Variants in ZNF568 observed in about 807,000 individuals in gnomAD.
ZNF568 encodes zinc finger protein 568.
ZNF568 carries 11 observed loss-of-function variants against 18.1 expected under a neutral mutation model. That is an observed-to-expected ratio of 0.61 (90% CI 0.38 to 1.00). The LOEUF is 1.00. Among genes scored for constraint, ZNF568 ranks in the 50% least tolerant of loss-of-function variants. The pLI is 0.01. For missense variants in ZNF568, 639 were observed against 768.2 expected (o/e 0.83, Z 1.99); for synonymous variants, 213 against 246.6 (o/e 0.86, Z 1.28).
chr19:36,976,941 T>C (rs1020640320), intron 7 of ZNF568, among the ~76,000 whole-genome samples: 2 of 152,136 alleles, frequency 1.3e-5, no homozygotes, highest in Non-Finnish European at 2.9e-5. Context: ...GAGCTGGGGT[T>C]TCTACATCAC....
chr19:36,980,969 G>A (rs1276696242), downstream of ZNF568, among the ~76,000 whole-genome samples: 2 of 152,112 alleles, frequency 1.3e-5, no homozygotes, highest in South Asian at 2.1e-4. Context: ...GGTCTTAGGG[G>A]CTCACCATAA....
At chr19:36,928,731 A>G (rs1193601757) in intron 4 of ZNF568, among the ~76,000 whole-genome samples, 1 of 152,212 alleles carries the variant, frequency 6.6e-6, no homozygotes, top group Non-Finnish European at 1.5e-5. Flanking sequence ...AAACCACACC[A>G]TCAAAAATGA....
chr19:36,973,912 G>T (rs1041278603), intron 6 of ZNF568, among the ~76,000 whole-genome samples: 38 of 152,270 alleles, frequency 2.5e-4, no homozygotes, highest in African/African-American at 8.7e-4. Context: ...CTAGTCAGTA[G>T]GTAGTGAATC....
At chr19:36,956,237 T>C (rs2074106130), downstream of ZNF568, among the ~76,000 whole-genome samples, 2 of 152,208 alleles carry the variant, frequency 1.3e-5, no homozygotes, top group African/African-American at 4.8e-5. Flanking sequence ...TCTGAGAATC[T>C]TGGCTGCTGA....
chr19:36,942,598 C>CAAAAAAAAA (rs1157835192), intron 6 of ZNF568, among the ~76,000 whole-genome samples: 2 of 68,474 alleles, frequency 2.9e-5, no homozygotes, highest in African/African-American at 5.9e-5. Context: ...GACTCCGTCT[C>CAAAAAAAAA]AAAAAAAAAA....
intron 6 of ZNF568, among the ~76,000 whole-genome samples, chr19:36,968,619 A>G (rs547107209): frequency 2.0e-4 from 30 of 151,506 alleles, no homozygotes; most frequent in African/African-American, 5.8e-4. Context: ...GTCTGAAGTT[A>G]TCATCCCTCA....
At chr19:36,940,890 TG>T (rs1299581661) in intron 6 of ZNF568, among the ~76,000 whole-genome samples, 1 of 152,172 alleles carries the variant, frequency 6.6e-6, no homozygotes, top group Non-Finnish European at 1.5e-5. Context: ...CGTGTCTGTT[TG>T]GGGGGTAAAA....
At chr19:36,947,553 G>A (rs1352111047) in intron 6 of ZNF568, among the ~76,000 whole-genome samples, 1 of 152,180 alleles carries the variant, frequency 6.6e-6, no homozygotes, top group Non-Finnish European at 1.5e-5. Flanking sequence ...GAAAAGCATG[G>A]TGGGAGACTG....
In ZNF568 at chr19:36,916,680, A is replaced by G. The variant is rs937174943; in HGVS notation, c.-256+89A>G. On this transcript the variant is annotated intron_variant, in intron 1 of 6. Coordinates refer to ENST00000333987, the MANE Select transcript of ZNF568 (RefSeq NM_198539.4). This position sits in a 1 kb window ranked among gnomAD's most constrained non-coding sequence, Gnocchi z 5.3. Reference sequence around the variant, plus strand: ...GTGTGTGAGTGTGACGGCACGAATAATCTGATGGGGTGATTGTGATATTTG... The same window carrying G: ...GTGTGTGAGTGTGACGGCACGAATAGTCTGATGGGGTGATTGTGATATTTG... 6.5e-6 allele frequency: 1 copy of G among 152,772 alleles called. No homozygotes were observed. Among genetic ancestry groups the G allele is most frequent in the African/African-American group, 2.4e-5 (1 of 41,402 alleles). 9.5% of individuals were successfully genotyped at this position (152,772 alleles called of 1,614,324 possible).
In ZNF568 at chr19:36,950,246, A is replaced by T. The variant is rs2074035306; in HGVS notation, c.1093A>T (p.Asn365Tyr). The change falls in exon 7 of 7, where the codon AAT becomes TAT. Residue 365 changes from asparagine (N) to tyrosine (Y), a missense_variant. Asn to Tyr is a moderately radical substitution (Grantham distance 143). Coordinates refer to ENST00000333987, the MANE Select transcript of ZNF568 (RefSeq NM_198539.4). ...TACTGGGGAGAAACCTTATGCATGTAATGAATGTGGTAGAGCTTTTTCTCG... is the reference window on the plus strand; with the variant it reads ...TACTGGGGAGAAACCTTATGCATGTTATGAATGTGGTAGAGCTTTTTCTCG... ...IHTGEKPYAC[N>Y]ECGRAFSRMS... 6.2e-7 allele frequency: 1 copy of T among 1,614,012 alleles called. No homozygotes were observed. The highest frequency in any genetic ancestry group is 2.2e-5 in the East Asian group (1 of 44,856).
intron 6 of ZNF568, among the ~76,000 whole-genome samples, chr19:36,970,425 A>T (rs905260947): frequency 6.6e-6 from 1 of 151,154 alleles, no homozygotes; most frequent in Admixed American, 6.6e-5. Context: ...GGCTCACTGC[A>T]ACCTCTGCCT....
At chr19:36,924,842 G>GA (rs912695369) in intron 3 of ZNF568, among the ~76,000 whole-genome samples, 3 of 149,384 alleles carry the variant, frequency 2.0e-5, no homozygotes, top group South Asian at 2.1e-4. Flanking sequence ...AAAAAAAAAA[G>GA]AAAAAAAAAT....
chr19:36,995,443 G>A (rs1000550300), intron 4 of ZNF568, among the ~76,000 whole-genome samples: 1 of 152,070 alleles, frequency 6.6e-6, no homozygotes, highest in Admixed American at 6.6e-5. Context: ...CTGGTAGATT[G>A]CATATACTTG....
chr19:36,925,315 G>T, intron 4 of ZNF568, 57 bp downstream of exon 4: 1 of 1,485,196 alleles, frequency 6.7e-7, no homozygotes, highest in Non-Finnish European at 9.4e-7. Flanking sequence ...GTTACGGTGG[G>T]TTCTTGTAAC....
downstream of ZNF568, among the ~76,000 whole-genome samples, chr19:36,980,560 C>T (rs999183024): frequency 2.0e-5 from 3 of 152,132 alleles, no homozygotes; most frequent in Non-Finnish European, 2.9e-5. Flanking sequence ...TCAGGTATTT[C>T]CACCACCACC....
Position 36,937,262 on chromosome 19 carries a change from C to T in ZNF568, c.358+20C>T. On this transcript the variant is annotated intron_variant, in intron 6 of 6. Coordinates refer to ENST00000333987, the MANE Select transcript of ZNF568 (RefSeq NM_198539.4). Reference sequence around the variant, plus strand: ...GTCCAGGTGAATAAGTGAAAAGCAGCTCTGAATGAGAAAGCCACATGAGAG... The same window carrying T: ...GTCCAGGTGAATAAGTGAAAAGCAGTTCTGAATGAGAAAGCCACATGAGAG... 6.3e-7 allele frequency: 1 copy of T among 1,597,960 alleles called. No homozygotes were observed. The highest frequency in any genetic ancestry group is 8.6e-7 in the Non-Finnish European group (1 of 1,167,636).
intron 6 of ZNF568, among the ~76,000 whole-genome samples, chr19:36,962,444 G>A (rs941823431): frequency 8.0e-5 from 12 of 150,366 alleles, no homozygotes; most frequent in Middle Eastern, 3.2e-3. Flanking sequence ...AGGTTCAAGT[G>A]ATTCCCGTGC....
At position 36,949,864 on chromosome 19, in the gene ZNF568, C is replaced by A. The variant is rs1333442497; in HGVS notation, c.711C>A (p.Leu237=). The change falls in exon 7 of 7, where the codon CTC becomes CTA. Residue 237 remains leucine, a synonymous_variant. Coordinates refer to ENST00000333987, the MANE Select transcript of ZNF568 (RefSeq NM_198539.4). ...CGQDFSHKFD[L]IRHERIHAGE... ...AAGACTTCAGTCATAAATTTGACCTCATTAGACATGAGCGAATTCATGCTG... is the reference window on the plus strand; with the variant it reads ...AAGACTTCAGTCATAAATTTGACCTAATTAGACATGAGCGAATTCATGCTG... 1.2e-6 allele frequency: 2 copies of A among 1,613,830 alleles called. No homozygotes were observed. Among genetic ancestry groups the A allele is most frequent in the Non-Finnish European group, 1.7e-6 (2 of 1,179,944 alleles).
At position 36,926,787 on chromosome 19, in the gene ZNF568, C is replaced by T. The variant is rs530102680; in HGVS notation, c.135+1529C>T. Among the ~76,000 whole-genome samples, 8 of 152,092 alleles carry T rather than the reference C, an allele frequency of 5.3e-5. No homozygotes were observed. The South Asian group carries it at 6.2e-4, about 12-fold the overall frequency. ...CTTATTTCATGTAATTATTATCAGA[C>T]GTCTATGAAGTACATATTATTTAAA... On this transcript the variant is annotated intron_variant, in intron 4 of 6. Transcript: ENST00000333987.
Sources: allele counts gnomAD v4.1 joint callset (sites outside exome capture counted in the v4.1 genomes callset), GRCh38; gene constraint gnomAD v4.1.1; non-coding constraint Gnocchi (gnomAD v3.1); transcripts MANE v1.5; gene names NCBI Gene and HGNC (gene_info 2026-07-23, HGNC 2026-07-21).